The following GTF2H3 variants were observed in gnomAD, a reference collection of about 807,000 sequenced individuals.
GTF2H3 encodes the protein general transcription factor IIH subunit 3, also known as TFIIH basal transcription factor complex p34 subunit.
A neutral mutation model predicts 51.1 loss-of-function variants in GTF2H3; 42 were observed. The ratio of observed to expected loss-of-function variants is 0.82; its 90% confidence interval spans 0.64 to 1.06. The LOEUF (loss-of-function observed/expected upper bound fraction) is 1.06. GTF2H3 is among the 50% of genes least tolerant of loss of function. GTF2H3 has a pLI of 0.00. For synonymous variants in GTF2H3, 123 were observed against 123.8 expected (o/e 0.99, Z 0.04); for missense variants, 326 against 366.1 (o/e 0.89, Z 0.89).
intron 7 of GTF2H3, among the ~76,000 whole-genome samples, chr12:123,653,693 T>G (rs556918191): frequency 6.6e-6 from 1 of 152,132 alleles, no homozygotes; most frequent in South Asian, 2.1e-4. Flanking sequence ...ATTCATTGTT[T>G]GTTGCTTAGC....
At chr12:123,652,866 T>A in intron 7 of GTF2H3, 131 bp downstream of exon 7, 1 of 797,456 alleles carries the variant, frequency 1.3e-6, no homozygotes, top group Non-Finnish European at 1.8e-6. Context: ...TCACTTGAGG[T>A]CAGGAGTTCG....
Position 123,659,517 on chromosome 12 carries a change from CT to C in GTF2H3, c.619del (p.Cys207ValfsTer9). 2 of 1,614,136 alleles carry C rather than the reference CT, an allele frequency of 1.2e-6. No individual in the cohort carries two copies. The highest frequency in any genetic ancestry group is 2.7e-5 in the African/African-American group (2 of 75,062). ...LDSDSGLLQQ[A>X]CDITGGLYLK... ...CAGCAAGCCGCCTGTGTCTTGCAGGCTTGTGACATCACGGGAGGACTGTACC... is the reference window on the plus strand; with the variant it reads ...CAGCAAGCCGCCTGTGTCTTGCAGGCTGTGACATCACGGGAGGACTGTACC... On this transcript the variant is annotated frameshift_variant and splice_region_variant, in exon 10 of 13. Transcript: ENST00000543341. LOFTEE classifies it high-confidence loss of function.
chr12:123,650,109 C>T (rs34996665), intron 4 of GTF2H3: 62,162 of 152,094 alleles, frequency 0.41, 13,521 homozygotes, highest in African/African-American at 0.53. Context: ...CAGTATAGTG[C>T]TCAAGACCTT....
At chr12:123,656,876 A>C (rs374727820) in intron 9 of GTF2H3, among the ~76,000 whole-genome samples, 1 of 152,196 alleles carries the variant, frequency 6.6e-6, no homozygotes, top group Non-Finnish European at 1.5e-5. Context: ...GCTTGAGCTC[A>C]GAAGTTTAAG....
At chr12:123,636,446 G>C (rs965792732) in intron 1 of GTF2H3, among the ~76,000 whole-genome samples, 1 of 152,258 alleles carries the variant, frequency 6.6e-6, no homozygotes, top group Non-Finnish European at 1.5e-5. Flanking sequence ...GCAAAGTACG[G>C]AGGGAGGAAA....
intron 4 of GTF2H3, chr12:123,650,586 C>T: frequency 6.4e-6 from 1 of 155,264 alleles, no homozygotes; most frequent in Non-Finnish European, 1.4e-5. Context: ...ATTTACTTAC[C>T]ATAAAATTTA....
chr12:123,648,394 A>G, intron 4 of GTF2H3: 1 of 246,382 alleles, frequency 4.1e-6, no homozygotes. Flanking sequence ...ACATTATTTC[A>G]TAGTCTCTAT....
At chr12:123,635,572 C>CAAA (rs11316749) in intron 1 of GTF2H3, among the ~76,000 whole-genome samples, 8 of 85,378 alleles carry the variant, frequency 9.4e-5, no homozygotes, top group African/African-American at 1.7e-4. Context: ...GTCTCCGTCG[C>CAAA]AAAAAAAAAA....
At chr12:123,643,579 T>C (rs1230100789) in intron 2 of GTF2H3, among the ~76,000 whole-genome samples, 1 of 152,214 alleles carries the variant, frequency 6.6e-6, no homozygotes, top group Non-Finnish European at 1.5e-5. Context: ...GTGTATTTCG[T>C]GGCCATTTGT....
In GTF2H3 at chr12:123,655,843, C is replaced by G. The variant is rs1413656511; in HGVS notation, c.615+19C>G. 6.5e-7 allele frequency: 1 copy of G among 1,531,214 alleles called. No individual in the cohort carries two copies. Among genetic ancestry groups the G allele is most frequent in the African/African-American group, 1.4e-5 (1 of 73,084 alleles). The allele number at this position is 1,531,214 out of a possible 1,614,324, so 94.9% of individuals were successfully genotyped here. Reference sequence around the variant, plus strand: ...CCAACAGGTATGTTTTAAAACCATGCTTTGTGTCGGTGGTTATGACAATTA... The same window carrying G: ...CCAACAGGTATGTTTTAAAACCATGGTTTGTGTCGGTGGTTATGACAATTA... On this transcript the variant is annotated intron_variant, in intron 9 of 12. Transcript: ENST00000543341.
At chr12:123,657,315 C>A (rs896740007) in intron 9 of GTF2H3, among the ~76,000 whole-genome samples, 1 of 152,220 alleles carries the variant, frequency 6.6e-6, no homozygotes, top group Non-Finnish European at 1.5e-5. Flanking sequence ...CCTGCCAGGG[C>A]CTTCCAGATG....
At position 123,660,235 on chromosome 12, in the gene GTF2H3, A is replaced by T; in HGVS notation, c.927A>T (p.Ter309CysextTer2). Reference sequence around the variant, plus strand: ...AAAAGAAACTGAAAGTGTCTGCCTGAGGATAAAATATTTTCCCCATCTTTT... The same window carrying T: ...AAAAGAAACTGAAAGTGTCTGCCTGTGGATAAAATATTTTCCCCATCTTTT... ...AKKKKLKVSA[*>C] The change falls in exon 13 of 13, where the codon TGA becomes TGT. Residue 309 changes from the stop codon to cysteine (C), a stop_lost. Coordinates refer to ENST00000543341, the MANE Select transcript of GTF2H3 (RefSeq NM_001516.5). 6.2e-7 allele frequency: 1 copy of T among 1,601,474 alleles called. No homozygotes were observed. Among genetic ancestry groups the T allele is most frequent in the Non-Finnish European group, 8.5e-7 (1 of 1,173,544 alleles).
intron 5 of GTF2H3, among the ~76,000 whole-genome samples, chr12:123,651,730 G>C (rs181172047): frequency 4.4e-4 from 67 of 151,556 alleles, no homozygotes; most frequent in African/African-American, 1.5e-3. Flanking sequence ...TGAGGCAGGA[G>C]AATAGCGTGA....
chr12:123,633,903 C>T, intron 1 of GTF2H3, 31 bp downstream of exon 1: 2 of 1,612,008 alleles, frequency 1.2e-6, no homozygotes, highest in Non-Finnish European at 1.7e-6. Flanking sequence ...GACTTCGACT[C>T]CGGGGCTCGG....
rs765745044 is a variant in GTF2H3, at chr12:123,652,550, A to G, written c.446A>G (p.Lys149Arg). Residue 149 changes from lysine to arginine, a missense_variant, in exon 6 of 13, where the codon AAG (lysine) becomes AGG (arginine). Coordinates refer to ENST00000543341, the MANE Select transcript of GTF2H3 (RefSeq NM_001516.5). Reference protein sequence around the residue: ...KALCYIHRMNKEVKDNQEMKS... With the variant: ...KALCYIHRMNREVKDNQEMKS... Reference sequence around the variant, plus strand: ...AATTAAGACATTCATAGAATGAACAAGGAAGTTAAAGGTAAGAGCCTACGT... The same window carrying G: ...AATTAAGACATTCATAGAATGAACAGGGAAGTTAAAGGTAAGAGCCTACGT... 6.8e-7 allele frequency: 1 copy of G among 1,463,418 alleles called. No individual in the cohort carries two copies. Among genetic ancestry groups the G allele is most frequent in the Non-Finnish European group, 9.4e-7 (1 of 1,066,090 alleles). The allele number at this position is 1,463,418 out of a possible 1,614,324, so 90.7% of individuals were successfully genotyped here. A position where few individuals can be genotyped will look rare whatever the true frequency, so the allele number is the denominator to read the frequency against.
Position 123,655,773 on chromosome 12 carries a change from T to C in GTF2H3, c.564T>C (p.Asn188=). ...MNVIFAAQKQ[N]ILIDACVLDS... ...TATTTTCAAAATGTTTCTTTTAGAA[T>C]ATTTTGATTGATGCCTGTGTTTTAG... Residue 188 remains asparagine, a splice_region_variant and synonymous_variant, in exon 9 of 13, where the codon AAT becomes AAC. Coordinates refer to ENST00000543341, the MANE Select transcript of GTF2H3 (RefSeq NM_001516.5). 1.3e-6 allele frequency: 2 copies of C among 1,565,528 alleles called. No homozygotes were observed. The highest frequency in any genetic ancestry group is 1.8e-6 in the Non-Finnish European group (2 of 1,136,468).
At chr12:123,647,050 G>C (rs912947361) in intron 3 of GTF2H3, among the ~76,000 whole-genome samples, 1 of 151,696 alleles carries the variant, frequency 6.6e-6, no homozygotes, top group African/African-American at 2.4e-5. Context: ...CTACTCGTTA[G>C]GCTGAGGCAG....
chr12:123,654,233 A>G (rs1195641715), intron 7 of GTF2H3, among the ~76,000 whole-genome samples: 1 of 95,922 alleles, frequency 1.0e-5, no homozygotes, highest in Non-Finnish European at 1.9e-5. Context: ...TGTTTGTTTT[A>G]TGTGTGTATT....
chr12:123,645,933 C>T (rs10846536), intron 3 of GTF2H3, among the ~76,000 whole-genome samples: 11,573 of 152,176 alleles, frequency 0.076, 624 homozygotes, highest in African/African-American at 0.14. Context: ...TTTAGCTCTG[C>T]GTAGTTCTCA....
Sources: gnomAD v4.1 joint callset for allele counts (sites outside exome capture counted in the v4.1 genomes callset) on GRCh38, gnomAD v4.1.1 for gene constraint, MANE v1.5 for transcripts, NCBI Gene and HGNC (gene_info 2026-07-23, HGNC 2026-07-21) for gene names.